ZNF536: variants seen among roughly 807,000 people sequenced by gnomAD.
The protein encoded by ZNF536 is zinc finger protein 536.
Under a neutral mutation model 84.5 loss-of-function variants are expected in ZNF536, and 13 were observed. That is an observed-to-expected ratio of 0.15 (90% CI 0.10 to 0.24). The LOEUF is 0.24. ZNF536 is among the 10% of genes least tolerant of loss of function. The pLI is 1.00. For synonymous variants in ZNF536, 811 were observed against 742.5 expected, an observed-to-expected ratio of 1.09 and a Z score of -1.50; for missense variants, 1,536 against 1,747.5, an observed-to-expected ratio of 0.88 and a Z score of 2.16.
chr19:30,317,677 G>A (rs2046726078), intron 2 of ZNF536, among the ~76,000 whole-genome samples: 1 of 152,234 alleles, frequency 6.6e-6, no homozygotes, highest in South Asian at 2.1e-4. Context: ...TGGAGGGGGA[G>A]ATGAGTTTCA....
chr19:30,674,429 A>G (rs1321300468), intron 1 of ZNF536, among the ~76,000 whole-genome samples: 1 of 152,158 alleles, frequency 6.6e-6, no homozygotes. Flanking sequence ...GGCTGGTCCT[A>G]CTCTCAGGTT....
intron 1 of ZNF536, among the ~76,000 whole-genome samples, chr19:30,386,165 C>T (rs1225547614): frequency 6.6e-6 from 1 of 152,142 alleles, no homozygotes; most frequent in East Asian, 1.9e-4. Flanking sequence ...GAAAGCCAGC[C>T]ACTTTTTCTC....
At chr19:30,704,923 A>AC in intron 1 of ZNF536, among the ~76,000 whole-genome samples, 1 of 132,110 alleles carries the variant, frequency 7.6e-6, no homozygotes, top group East Asian at 2.4e-4. Context: ...AGAGCTCAGC[A>AC]CTTTTTTTTT....
intron 1 of ZNF536, among the ~76,000 whole-genome samples, chr19:30,376,228 C>T (rs1600453958): frequency 6.6e-6 from 1 of 152,144 alleles, no homozygotes; most frequent in African/African-American, 2.4e-5. Flanking sequence ...CCTTGGCATC[C>T]CCTCTCCCCC....
intron 1 of ZNF536, among the ~76,000 whole-genome samples, chr19:30,699,568 T>C (rs2051808115): frequency 6.6e-6 from 1 of 152,202 alleles, no homozygotes; most frequent in Admixed American, 6.5e-5. Context: ...ATAAATTACG[T>C]ACCTGATTGG....
At chr19:30,557,010 G>C in intron 4 of ZNF536, 147 bp from the exon 5 acceptor site, 1 of 856,114 alleles carries the variant, frequency 1.2e-6, no homozygotes, top group East Asian at 2.5e-5. Context: ...GCTTTAGCCA[G>C]AGACAGAAGG....
intron 1 of ZNF536, among the ~76,000 whole-genome samples, chr19:30,697,802 T>C (rs1444454064): frequency 6.6e-6 from 1 of 152,198 alleles, no homozygotes; most frequent in Non-Finnish European, 1.5e-5. Flanking sequence ...CAGCAGACTG[T>C]GTGTGTGCCA....
At chr19:30,570,291 A>T (rs2046499491) in intron 1 of ZNF536, among the ~76,000 whole-genome samples, 1 of 152,140 alleles carries the variant, frequency 6.6e-6, no homozygotes, top group African/African-American at 2.4e-5. Flanking sequence ...CGTTGATGAA[A>T]AACTTTGTAA....
At chr19:30,233,176 G>T (rs975789907) in intron 1 of ZNF536, among the ~76,000 whole-genome samples, 1 of 151,226 alleles carries the variant, frequency 6.6e-6, no homozygotes, top group Admixed American at 6.6e-5. Flanking sequence ...AGCTCTGACT[G>T]CTTAGAGGTC....
chr19:30,688,017 TA>T (rs5827729), intron 1 of ZNF536, among the ~76,000 whole-genome samples: 78,568 of 136,216 alleles, frequency 0.58, 21,935 homozygotes, highest in African/African-American at 0.69. Context: ...TTATGACTGC[TA>T]AAAAAAAAAA....
chr19:30,689,882 T>G (rs1255920540), intron 1 of ZNF536, among the ~76,000 whole-genome samples: 1 of 152,234 alleles, frequency 6.6e-6, no homozygotes, highest in East Asian at 1.9e-4. Context: ...AATTAGATTT[T>G]GTTGCTAGAT....
chr19:30,261,297 CAAAAAAA>C (rs66862950), intron 1 of ZNF536, among the ~76,000 whole-genome samples: 2 of 23,576 alleles, frequency 8.5e-5, no homozygotes, highest in African/African-American at 3.0e-4. Context: ...GACTCCGTCT[CAAAAAAA>C]AAAAAAAAAA....
chr19:30,415,322 TTCTTCTTCC>T (rs1444016793), intron 1 of ZNF536, among the ~76,000 whole-genome samples: 34 of 147,428 alleles, frequency 2.3e-4, no homozygotes, highest in Admixed American at 1.4e-3. Flanking sequence ...CTCCTTCTTC[TTCTTCTTCC>T]TCTTCTTCTT....
chr19:30,327,132 T>C (rs2047067082), intron 2 of ZNF536, among the ~76,000 whole-genome samples: 1 of 152,136 alleles, frequency 6.6e-6, no homozygotes, highest in Non-Finnish European at 1.5e-5. Context: ...AATAAATAAG[T>C]TAATTCATTA....
chr19:30,249,360 G>T, intron 1 of ZNF536, among the ~76,000 whole-genome samples: 1 of 150,358 alleles, frequency 6.7e-6, no homozygotes. Flanking sequence ...AGGAGGAGGG[G>T]GAGGGGGACA....
At chr19:30,647,909 C>T (rs1380970026) in intron 1 of ZNF536, among the ~76,000 whole-genome samples, 5 of 152,138 alleles carry the variant, frequency 3.3e-5, no homozygotes, top group East Asian at 3.9e-4. Context: ...GCCCCATCTC[C>T]GGGTTTTAGG....
chr19:30,636,902 G>A (rs770542618), intron 1 of ZNF536, among the ~76,000 whole-genome samples: 15 of 152,220 alleles, frequency 9.9e-5, no homozygotes, highest in East Asian at 1.9e-4. Context: ...AACAGAGTCC[G>A]CAGAAGAAGT....
rs550842208 is a variant in ZNF536, at chr19:30,373,903, G to A, written c.-3+1347G>A. Among the ~76,000 whole-genome samples the A allele has an allele frequency of 7.9e-5, 12 of 152,320 alleles. No individual in the cohort carries two copies. In the South Asian group the frequency reaches 2.5e-3, roughly 32 times the overall value. ...GGGCCAAGGTGGGCCTCAGCAAGGT[G>A]CACGCGGCCCGGCCCCAGCCCCAGG... On this transcript the variant is annotated intron_variant, in intron 1 of 4. Transcript: ENST00000355537.
chr19:30,562,764 T>C (rs1032673674), downstream of ZNF536, among the ~76,000 whole-genome samples: 3 of 151,844 alleles, frequency 2.0e-5, no homozygotes, highest in African/African-American at 7.3e-5. Flanking sequence ...CAGGCTCTCA[T>C]CTTGCACTCA....
Sources: gnomAD v4.1 joint callset for allele counts (sites outside exome capture counted in the v4.1 genomes callset) on GRCh38, gnomAD v4.1.1 for gene constraint, MANE v1.5 for transcripts, NCBI Gene and HGNC (gene_info 2026-07-23, HGNC 2026-07-21) for gene names.